The following CEP162 variants were observed in gnomAD, a reference collection of about 807,000 sequenced individuals.
CEP162 encodes the protein centrosomal protein 162, also known as centrosomal protein of 162 kDa.
CEP162 carries 141 observed loss-of-function variants against 169.2 expected under a neutral mutation model. The ratio of observed to expected loss-of-function variants is 0.83; its 90% CI spans 0.73 to 0.96. The LOEUF (loss-of-function observed/expected upper bound fraction) is 0.96. Ranked by LOEUF, CEP162 falls within the 40% of genes least tolerant of loss-of-function variation. The pLI is 0.00. For missense variants in CEP162, 1,600 were observed against 1,587.2 expected (o/e 1.01, Z -0.14); for synonymous variants, 540 against 526.4 (o/e 1.03, Z -0.35).
chr6:84,165,158 G>A (rs1170414853), intron 18 of CEP162, among the ~76,000 whole-genome samples: 1 of 151,714 alleles, frequency 6.6e-6, no homozygotes, highest in African/African-American at 2.4e-5. Flanking sequence ...TGAAGCCCCA[G>A]AAGGCCTTCC....
At chr6:84,165,096 C>A (rs1349740684) in intron 18 of CEP162, among the ~76,000 whole-genome samples, 5 of 151,680 alleles carry the variant, frequency 3.3e-5, no homozygotes, top group Admixed American at 3.3e-4. Context: ...TGCTTTGGGA[C>A]CCAGATAGCC....
intron 3 of CEP162, among the ~76,000 whole-genome samples, chr6:84,219,831 T>G (rs551792327): frequency 1.3e-5 from 2 of 152,210 alleles, no homozygotes; most frequent in Non-Finnish European, 2.9e-5. Flanking sequence ...CCGCAGGAGT[T>G]GTCCTATAGG....
At chr6:84,154,292 C>T (rs1562019851) in intron 22 of CEP162, among the ~76,000 whole-genome samples, 1 of 152,010 alleles carries the variant, frequency 6.6e-6, no homozygotes. Flanking sequence ...GTTTGCTAGA[C>T]TCCAGACATG....
intron 18 of CEP162, among the ~76,000 whole-genome samples, chr6:84,163,855 G>T (rs981712745): frequency 2.1e-4 from 32 of 151,792 alleles, no homozygotes; most frequent in African/African-American, 5.6e-4. Flanking sequence ...TGACAAATGG[G>T]ATCTAATTAA....
intron 16 of CEP162, among the ~76,000 whole-genome samples, chr6:84,173,486 G>T (rs1399462218): frequency 1.1e-4 from 16 of 152,056 alleles, no homozygotes; most frequent in African/African-American, 3.4e-4. Context: ...GAAGAAACTG[G>T]ATTAGAAAGA....
rs866527887 is a variant in CEP162 at position 84,152,983 on chromosome 6, T to C, written c.3191A>G (p.Asn1064Ser). ...HQNAELDVKK[N>S]DKDDEDFQSI... ...CTGAAAATCTTCATCATCTTTATCATTTTTCTTGACGTCTAATTCAGCATT... is the reference window on the plus strand; with the variant it reads ...CTGAAAATCTTCATCATCTTTATCACTTTTCTTGACGTCTAATTCAGCATT... Residue 1064 changes from asparagine to serine, a missense_variant, in exon 23 of 27, where the codon AAT (asparagine) becomes AGT (serine). By Grantham distance (46) the Asn-to-Ser change is conservative (BLOSUM62 1). Coordinates refer to ENST00000403245, the MANE Select transcript of CEP162 (RefSeq NM_014895.4). 6.2e-7 allele frequency: 1 copy of C among 1,613,606 alleles called. No homozygotes were observed. The highest frequency in any genetic ancestry group is 1.7e-4 in the Middle Eastern group (1 of 6,060).
At chr6:84,226,575 G>C in intron 1 of CEP162, 123 bp from the exon 2 acceptor site, 4 of 578,430 alleles carry the variant, frequency 6.9e-6, no homozygotes, top group African/African-American at 1.9e-5. Flanking sequence ...TAACCAGTAA[G>C]AGCTGGTCAA....
In CEP162 at chr6:84,124,258, C is replaced by T. The variant is rs1357949807; in HGVS notation, c.*812G>A. ...TCATTATATAAAAAAGATATCTGTA[C>T]ATGTATGTTTATTGCAGCAATATTT... On this transcript the variant is annotated 3_prime_UTR_variant, in exon 27 of 27. Transcript: ENST00000403245. The T allele has an allele frequency of 2.6e-5, 4 of 152,014 alleles. No individual in the cohort carries two copies. The allele number at this position is 152,014 out of a possible 1,614,324, so 9.4% of individuals were successfully genotyped here.
chr6:84,161,528 T>C (rs950302119), intron 20 of CEP162, among the ~76,000 whole-genome samples: 1 of 152,200 alleles, frequency 6.6e-6, no homozygotes, highest in Non-Finnish European at 1.5e-5. Context: ...CAGGCAGGGT[T>C]TGGACCCCAT....
In CEP162 at chr6:84,212,968, T is replaced by C. The variant is rs1473734940; in HGVS notation, c.560A>G (p.Glu187Gly). 2 of 1,546,300 alleles carry C rather than the reference T, an allele frequency of 1.3e-6. No individual in the cohort carries two copies. Among genetic ancestry groups the C allele is most frequent in the Non-Finnish European group, 1.8e-6 (2 of 1,140,828 alleles). Residue 187 changes from glutamate to glycine, a missense_variant, in exon 6 of 27, where the codon GAA (glutamate) becomes GGA (glycine). Transcript: ENST00000403245. The part of the protein sequence containing the change: ...DDEHENESKH[E>G]ELAENYSDDF... ...ACCAATGAAATTACCTGCCAGTTCT[T>C]CATGTTTCGATTCATTCTCATGTTC...
chr6:84,156,250 G>C (rs2099523108), intron 21 of CEP162, among the ~76,000 whole-genome samples: 1 of 152,004 alleles, frequency 6.6e-6, no homozygotes, highest in African/African-American at 2.4e-5. Flanking sequence ...AAAGATCTAA[G>C]ACCTGAAACT....
At chr6:84,136,983 T>C (rs2099514398) in intron 25 of CEP162, among the ~76,000 whole-genome samples, 1 of 152,202 alleles carries the variant, frequency 6.6e-6, no homozygotes, top group South Asian at 2.1e-4. Context: ...CTCCTGACCA[T>C]GCTGACTCTT....
At chr6:84,167,399 T>C (rs1032833684) in intron 18 of CEP162, among the ~76,000 whole-genome samples, 17 of 152,272 alleles carry the variant, frequency 1.1e-4, no homozygotes, top group African/African-American at 4.1e-4. Flanking sequence ...TTTTGCATAC[T>C]TTCTCATTTA....
At chr6:84,166,731 A>G (rs1457860896) in intron 18 of CEP162, among the ~76,000 whole-genome samples, 1 of 152,142 alleles carries the variant, frequency 6.6e-6, no homozygotes, top group Non-Finnish European at 1.5e-5. Flanking sequence ...TTCCACCCAT[A>G]CTTTATAACC....
At chr6:84,224,019 A>T (rs1446009407) in intron 2 of CEP162, among the ~76,000 whole-genome samples, 2 of 152,210 alleles carry the variant, frequency 1.3e-5, no homozygotes, top group Non-Finnish European at 2.9e-5. Flanking sequence ...CATATGATAC[A>T]GCAATTTCAC....
intron 21 of CEP162, among the ~76,000 whole-genome samples, chr6:84,160,270 C>A (rs1322067244): frequency 6.6e-6 from 1 of 152,128 alleles, no homozygotes; most frequent in Non-Finnish European, 1.5e-5. Context: ...ATAAAAAAAT[C>A]TTTATTTTAA....
intron 17 of CEP162, among the ~76,000 whole-genome samples, chr6:84,170,215 A>G (rs978755143): frequency 1.3e-5 from 2 of 151,850 alleles, no homozygotes; most frequent in Admixed American, 1.3e-4. Context: ...CTACTAAAAA[A>G]TACAAAAAAT....
intron 6 of CEP162, among the ~76,000 whole-genome samples, chr6:84,207,800 T>G (rs924214649): frequency 6.6e-6 from 1 of 152,194 alleles, no homozygotes; most frequent in Non-Finnish European, 1.5e-5. Flanking sequence ...TATGGTACTT[T>G]CAAATAGTTC....
chr6:84,192,516 T>G (rs2099540346), intron 11 of CEP162, among the ~76,000 whole-genome samples: 1 of 152,232 alleles, frequency 6.6e-6, no homozygotes, highest in African/African-American at 2.4e-5. Context: ...TTGAAGTGAA[T>G]GAATTTTAGT....
Sources: allele counts gnomAD v4.1 joint callset (sites outside exome capture counted in the v4.1 genomes callset), GRCh38; gene constraint gnomAD v4.1.1; transcripts MANE v1.5; gene names NCBI Gene and HGNC (gene_info 2026-07-23, HGNC 2026-07-21).